SYT16: variants seen among roughly 807,000 people sequenced by gnomAD.
SYT16 encodes the protein synaptotagmin-16.
In SYT16, 42 loss-of-function variants were observed where a neutral mutation model predicts 61.4. That is an observed-to-expected ratio of 0.68 (90% CI 0.53 to 0.89). SYT16 has a LOEUF of 0.89. Ranked by LOEUF, SYT16 falls within the 40% of genes least tolerant of loss-of-function variation. The pLI is 0.00. For synonymous variants in SYT16, 314 were observed against 302.3 expected (o/e 1.04, Z -0.40); for missense variants, 804 against 807.3 (o/e 1.00, Z 0.05).
intron 3 of SYT16, among the ~76,000 whole-genome samples, chr14:62,060,750 A>G (rs2055791517): frequency 6.6e-6 from 1 of 152,030 alleles, no homozygotes; most frequent in Admixed American, 6.6e-5. Context: ...TTTTATGACT[A>G]TAATCATAAG....
chr14:62,011,874 T>C (rs5014500), intron 3 of SYT16, among the ~76,000 whole-genome samples: 77,347 of 135,420 alleles, frequency 0.57, 23,252 homozygotes, highest in African/African-American at 0.77. Context: ...ACACTATATA[T>C]ACACACACAC....
intron 1 of SYT16, among the ~76,000 whole-genome samples, chr14:61,893,074 G>A (rs995602477): frequency 6.6e-6 from 1 of 152,116 alleles, no homozygotes; most frequent in African/African-American, 2.4e-5. Context: ...CGACACTCAT[G>A]TGGTGTAGAG....
intron 3 of SYT16, among the ~76,000 whole-genome samples, chr14:62,069,182 G>C (rs2056191691): frequency 6.6e-6 from 1 of 152,208 alleles, no homozygotes; most frequent in African/African-American, 2.4e-5. Context: ...GGCTATGTGT[G>C]TTTTAATAAA....
chr14:62,031,982 A>C (rs541327034), intron 3 of SYT16, among the ~76,000 whole-genome samples: 1 of 152,298 alleles, frequency 6.6e-6, no homozygotes, highest in African/African-American at 2.4e-5. Context: ...GCAGCAGCAC[A>C]ATTTGCAGAC....
intron 5 of SYT16, among the ~76,000 whole-genome samples, chr14:62,079,120 A>G (rs2056615588): frequency 6.6e-6 from 1 of 152,210 alleles, no homozygotes; most frequent in Non-Finnish European, 1.5e-5. Flanking sequence ...GGAGTTTGAG[A>G]GAAGATTCTG....
At chr14:61,907,578 A>G (rs541680917) in intron 1 of SYT16, among the ~76,000 whole-genome samples, 71 of 152,304 alleles carry the variant, frequency 4.7e-4, no homozygotes, top group Non-Finnish European at 6.6e-4. Context: ...GCTGGAGGCC[A>G]CAGTTGCTCA....
chr14:62,098,849 G>A (rs1313353634), intron 7 of SYT16, among the ~76,000 whole-genome samples: 1 of 152,156 alleles, frequency 6.6e-6, no homozygotes, highest in Non-Finnish European at 1.5e-5. Context: ...CTGAACTGGT[G>A]GGAGTGAGAG....
rs79104766 is a variant in SYT16, at chr14:62,002,175, C to T, written c.523+5633C>T. Among the ~76,000 whole-genome samples the T allele has an allele frequency of 9.7e-3, 1,474 of 151,472 alleles. 18 individuals carry two copies. Among genetic ancestry groups the T allele is most frequent in the African/African-American group, 0.034 (1,402 of 41,330 alleles). On this transcript the variant is annotated intron_variant, in intron 3 of 7. Coordinates refer to ENST00000683842, the MANE Select transcript of SYT16 (RefSeq NM_001367656.1). ...GAACATTATATGTAGGGAAAGTATG[C>T]GATATTTTTTGCCTGGAAGTGAGCA...
At chr14:61,917,541 A>G (rs2049167951) in intron 1 of SYT16, among the ~76,000 whole-genome samples, 1 of 152,190 alleles carries the variant, frequency 6.6e-6, no homozygotes, top group South Asian at 2.1e-4. Context: ...CAACCAAAAC[A>G]TAAAGCCAGT....
In SYT16 at chr14:62,102,352, T is replaced by A. The variant is rs1034905558; in HGVS notation, c.*1645T>A. On this transcript the variant is annotated 3_prime_UTR_variant, in exon 8 of 8. Transcript: ENST00000683842. ...AGTCTTTGAATGAAATGATTTCATA[T>A]GGAAGAATGAGAATTTGCCAAATAA... 1 of 152,236 alleles carries A rather than the reference T, an allele frequency of 6.6e-6. No homozygotes were observed. Among genetic ancestry groups the A allele is most frequent in the Non-Finnish European group, 1.5e-5 (1 of 68,046 alleles). The allele number at this position is 152,236 out of a possible 1,614,324, so 9.4% of individuals were successfully genotyped here.
In SYT16 at chr14:61,903,235, G is replaced by C. The variant is rs187218933; in HGVS notation, c.-324-66897G>C. Among the ~76,000 whole-genome samples the C allele has an allele frequency of 3.0e-4, 45 of 151,512 alleles. No individual in the cohort carries two copies. The East Asian group carries it at 7.7e-3, about 26-fold the overall frequency. On this transcript the variant is annotated intron_variant, in intron 1 of 7. Coordinates refer to ENST00000683842, the MANE Select transcript of SYT16 (RefSeq NM_001367656.1). ...GTTTCCAAATAAGGCCACATTTTGA[G>C]TTAATGGGGGATTAAGTCTTCATTA...
intron 3 of SYT16, among the ~76,000 whole-genome samples, chr14:62,066,323 G>T (rs1320049073): frequency 5.3e-5 from 8 of 152,160 alleles, no homozygotes; most frequent in African/African-American, 1.4e-4. Flanking sequence ...ATCAGATCTT[G>T]GTTCTGCTCT....
intron 3 of SYT16, among the ~76,000 whole-genome samples, chr14:62,035,271 G>A (rs755740245): frequency 5.3e-5 from 8 of 152,180 alleles, no homozygotes; most frequent in Non-Finnish European, 1.2e-4. Context: ...CCAAGGGCAT[G>A]TAGCCCAGTT....
At chr14:61,860,057 A>G (rs761044108) in intron 1 of SYT16, among the ~76,000 whole-genome samples, 1 of 152,210 alleles carries the variant, frequency 6.6e-6, no homozygotes. Context: ...AATTAGGCTC[A>G]ATAGTTGTCT....
intron 1 of SYT16, among the ~76,000 whole-genome samples, chr14:61,961,940 A>G (rs1407023606): frequency 1.3e-5 from 2 of 152,214 alleles, no homozygotes; most frequent in East Asian, 3.8e-4. Context: ...ATAGCCATAG[A>G]AAAGAATGAG....
chr14:61,833,464 G>A (rs372559091), intron 1 of SYT16, among the ~76,000 whole-genome samples: 27 of 151,588 alleles, frequency 1.8e-4, no homozygotes, highest in East Asian at 1.4e-3. Context: ...ATCTAATTTT[G>A]TATTTTTAGT....
intron 2 of SYT16, among the ~76,000 whole-genome samples, chr14:61,975,318 G>A (rs774561399): frequency 6.6e-6 from 1 of 152,126 alleles, no homozygotes; most frequent in Non-Finnish European, 1.5e-5. Flanking sequence ...AAATGGCAAG[G>A]CTGGGAGTCA....
chr14:61,986,425 T>C (rs1270029646), intron 2 of SYT16, among the ~76,000 whole-genome samples: 1 of 150,038 alleles, frequency 6.7e-6, no homozygotes, highest in Non-Finnish European at 1.5e-5. Flanking sequence ...AGGTACTTTT[T>C]TATTTTTTAT....
intron 1 of SYT16, among the ~76,000 whole-genome samples, chr14:61,840,670 T>G (rs897258929): frequency 1.3e-5 from 2 of 151,988 alleles, no homozygotes; most frequent in Non-Finnish European, 2.9e-5. Context: ...GAGCAAATCT[T>G]TAAAACAGCA....
Sources: gnomAD v4.1 joint callset for allele counts (sites outside exome capture counted in the v4.1 genomes callset) on GRCh38, gnomAD v4.1.1 for gene constraint, MANE v1.5 for transcripts, NCBI Gene and HGNC (gene_info 2026-07-23, HGNC 2026-07-21) for gene names.